UBP1: variants seen among roughly 807,000 people sequenced by gnomAD.
The protein encoded by UBP1 is upstream-binding protein 1.
Under a neutral mutation model 76.1 loss-of-function variants are expected in UBP1, and 22 were observed. The observed-to-expected ratio is 0.29, with a 90% CI of 0.21 to 0.41. The LOEUF is 0.41. Ranked by LOEUF, UBP1 falls within the 10% of genes least tolerant of loss-of-function variation. The pLI is 1.00. For missense variants in UBP1, 436 were observed against 668.1 expected, an observed-to-expected ratio of 0.65 and a Z score of 3.83; for synonymous variants, 224 against 237.1, an observed-to-expected ratio of 0.94 and a Z score of 0.51.
intron 11 of UBP1, chr3:33,398,552 G>A (rs2044098578): frequency 6.6e-6 from 1 of 152,394 alleles, no homozygotes; most frequent in African/African-American, 2.4e-5. Context: ...ATCAGAGCAA[G>A]AAGACTCACT....
intron 2 of UBP1, among the ~76,000 whole-genome samples, chr3:33,417,382 T>G (rs1020936199): frequency 3.4e-5 from 5 of 148,152 alleles, no homozygotes; most frequent in African/African-American, 1.2e-4. Flanking sequence ...AACAGAATCA[T>G]ACAATATGTG....
intron 1 of UBP1, among the ~76,000 whole-genome samples, 175 bp downstream of exon 1, chr3:33,439,561 G>C (rs1291189300): frequency 6.6e-6 from 1 of 152,168 alleles, no homozygotes; most frequent in Non-Finnish European, 1.5e-5. Context: ...CGTCACCAGG[G>C]CGAGCAGAGG....
At chr3:33,396,862 T>C (rs2044017106) in intron 12 of UBP1, 183 bp downstream of exon 12, 2 of 694,784 alleles carry the variant, frequency 2.9e-6, no homozygotes, top group Non-Finnish European at 5.3e-6. Context: ...AGTGCCTGCA[T>C]CATATCTGGG....
At chr3:33,407,701 T>C (rs904505341) in intron 8 of UBP1, among the ~76,000 whole-genome samples, 6 of 152,196 alleles carry the variant, frequency 3.9e-5, no homozygotes, top group African/African-American at 1.4e-4. Context: ...ATAGTGCTTG[T>C]GACAGTAACA....
intron 1 of UBP1, among the ~76,000 whole-genome samples, chr3:33,429,471 A>T (rs1390264562): frequency 6.6e-6 from 1 of 151,974 alleles, no homozygotes; most frequent in Non-Finnish European, 1.5e-5. Context: ...CTAGTATTAC[A>T]GGCTTGTACC....
intron 1 of UBP1, among the ~76,000 whole-genome samples, chr3:33,425,996 A>AATAAATATATATAT (rs1404753322): frequency 3.6e-5 from 2 of 55,136 alleles, no homozygotes; most frequent in African/African-American, 1.7e-4. Context: ...GGCAGCTCTG[A>AATAAATATATATAT]ATATATATAT....
At chr3:33,424,938 G>C (rs1024615696) in intron 2 of UBP1, among the ~76,000 whole-genome samples, 6 of 152,108 alleles carry the variant, frequency 3.9e-5, no homozygotes, top group African/African-American at 1.4e-4. Flanking sequence ...CCAGCTACTT[G>C]GGAGGCTGAG....
rs1019682682 is a variant in UBP1, at chr3:33,402,812, A to G, written c.1020T>C (p.Ser340=). 1.3e-6 allele frequency: 2 copies of G among 1,586,314 alleles called. No homozygotes were observed. Among genetic ancestry groups the G allele is most frequent in the Non-Finnish European group, 1.7e-6 (2 of 1,170,060 alleles). Residue 340 remains serine (S), a synonymous_variant, in exon 9 of 16, where the codon AGT becomes AGC. Coordinates refer to ENST00000283629, the MANE Select transcript of UBP1 (RefSeq NM_014517.5). ...CACAAACTAGATACCTGTCTGGGAC[A>G]CTGCAAGTGCTCTGCTGTGGGGAGG... ...TFTSPQQSTC[S]VPDSNSSSPN...
intron 1 of UBP1, 113 bp downstream of exon 1, chr3:33,439,623 C>A: frequency 8.5e-7 from 1 of 1,175,866 alleles, no homozygotes; most frequent in East Asian, 2.7e-5. Flanking sequence ...TCCGACCCCG[C>A]AGCCCAGGAG....
chr3:33,414,056 C>A (rs1469907885), intron 3 of UBP1: 2 of 151,880 alleles, frequency 1.3e-5, no homozygotes, highest in Admixed American at 6.6e-5. Flanking sequence ...GACTTCAGAG[C>A]TTTACTAAGC....
intron 1 of UBP1, among the ~76,000 whole-genome samples, chr3:33,438,814 G>A (rs550873633): frequency 6.6e-6 from 1 of 152,262 alleles, no homozygotes; most frequent in Admixed American, 6.5e-5. Context: ...GCAGTAAGAT[G>A]TATGAATGCT....
chr3:33,408,717 G>A lies in UBP1; in HGVS notation c.900C>T (p.Tyr300=), dbSNP rs376779155. ...TGCCTCGCTTTGCCAGAGAATCACC[G>A]TAGTCTGCTGGCAAAGTCCGCTTGC... is the stretch of plus-strand genomic sequence containing the variant. ...KSSKRTLPAD[Y]GDSLAKRGSC... The change falls in exon 8 of 16, where the codon TAC becomes TAT. Residue 300 remains tyrosine, a synonymous_variant. Coordinates refer to ENST00000283629, the MANE Select transcript of UBP1 (RefSeq NM_014517.5). The A allele has an allele frequency of 1.2e-6, 2 of 1,613,856 alleles. No homozygotes were observed. Among genetic ancestry groups the A allele is most frequent in the South Asian group, 1.1e-5 (1 of 91,060 alleles).
chr3:33,432,564 A>T (rs1481515333), intron 1 of UBP1, among the ~76,000 whole-genome samples: 1 of 152,214 alleles, frequency 6.6e-6, no homozygotes, highest in Non-Finnish European at 1.5e-5. Flanking sequence ...AATCACTGCT[A>T]AAAATAAGAG....
Position 33,425,609 on chromosome 3 carries a change from C to A in UBP1, c.246G>T (p.Thr82=). 1 of 1,558,886 alleles carries A rather than the reference C, an allele frequency of 6.4e-7. No individual in the cohort carries two copies. The highest frequency in any genetic ancestry group is 1.2e-5 in the South Asian group (1 of 84,118). The change falls in exon 2 of 16, where the codon ACG becomes ACT. Residue 82 remains threonine (T), a synonymous_variant. Coordinates refer to ENST00000283629, the MANE Select transcript of UBP1 (RefSeq NM_014517.5). ...TSPAVKLHDE[T]LTYLNQGQSY... is the part of the protein sequence containing the mutation. ...ACTAACCTTGGTTCAAATAAGTAAG[C>A]GTTTCATCATGCAGTTTTACTGCTG...
At chr3:33,417,841 A>G (rs2044770137) in intron 2 of UBP1, among the ~76,000 whole-genome samples, 1 of 152,236 alleles carries the variant, frequency 6.6e-6, no homozygotes, top group African/African-American at 2.4e-5. Context: ...GGGGGCTTAC[A>G]GAAAAATATA....
chr3:33,411,875 G>A (rs111438378), intron 4 of UBP1, among the ~76,000 whole-genome samples, 188 bp from the exon 5 acceptor site: 355 of 150,586 alleles, frequency 2.4e-3, no homozygotes, highest in African/African-American at 7.4e-3. Flanking sequence ...CCCCTACCAT[G>A]GTTTGTATTT....
intron 1 of UBP1, among the ~76,000 whole-genome samples, chr3:33,437,087 A>G (rs1344028133): frequency 6.6e-6 from 1 of 152,230 alleles, no homozygotes; most frequent in Non-Finnish European, 1.5e-5. Context: ...AAAAACAACA[A>G]CAAAAAAGTA....
chr3:33,438,381 A>G (rs2045234658), intron 1 of UBP1, among the ~76,000 whole-genome samples: 1 of 152,204 alleles, frequency 6.6e-6, no homozygotes, highest in Non-Finnish European at 1.5e-5. Context: ...TCGTGTTTCC[A>G]GTAGAGAGCT....
intron 1 of UBP1, among the ~76,000 whole-genome samples, chr3:33,426,004 T>TATATGA (rs2045007642): frequency 1.5e-5 from 1 of 67,736 alleles, no homozygotes; most frequent in African/African-American, 6.5e-5. Flanking sequence ...TGAATATATA[T>TATATGA]ATATATATAT....
Sources: gnomAD v4.1 joint callset for allele counts (sites outside exome capture counted in the v4.1 genomes callset) on GRCh38, gnomAD v4.1.1 for gene constraint, MANE v1.5 for transcripts, NCBI Gene and HGNC (gene_info 2026-07-23, HGNC 2026-07-21) for gene names.